Variants in SAP30BP observed in about 807,000 individuals in gnomAD.
SAP30BP encodes the protein SAP30 binding protein.
In SAP30BP, 31 loss-of-function variants were observed where a neutral mutation model predicts 46.3. The observed-to-expected ratio is 0.67, with a 90% confidence interval of 0.50 to 0.90. The LOEUF is 0.90. SAP30BP is among the 40% of genes least tolerant of loss of function. SAP30BP has a pLI of 0.00. For synonymous variants in SAP30BP, 169 were observed against 144.2 expected (o/e 1.17, Z -1.23); for missense variants, 312 against 391.0 (o/e 0.80, Z 1.70).
intron 3 of SAP30BP, among the ~76,000 whole-genome samples, chr17:75,675,470 CTTTTA>C (rs1011562467): frequency 7.2e-5 from 11 of 152,156 alleles, no homozygotes; most frequent in African/African-American, 2.4e-4. Flanking sequence ...TTTTTAAGAT[CTTTTA>C]ATTTTTTTCA....
At chr17:75,703,747 G>C (rs1312349724) in intron 7 of SAP30BP, 61 bp from the exon 8 acceptor site, 2 of 1,446,350 alleles carry the variant, frequency 1.4e-6, no homozygotes, top group African/African-American at 1.4e-5. Context: ...GGAAGACTTG[G>C]GCCAGGAACT....
At chr17:75,702,885 T>C (rs922517909) in intron 6 of SAP30BP, 1 of 306,976 alleles carries the variant, frequency 3.3e-6, no homozygotes, top group South Asian at 7.9e-5. Context: ...ATGGAAGGAA[T>C]TGGACTAGAC....
Position 75,678,579 on chromosome 17 carries a change from T to C in SAP30BP, c.264+6716T>C, listed in dbSNP as rs897227101. ...CGACTCAGTATGTCTGGTGTGTGTT[T>C]GTTCAGTAGCATTGGCTGAACTGAC... On this transcript the variant is annotated intron_variant, in intron 3 of 10. Coordinates refer to ENST00000584667, the MANE Select transcript of SAP30BP (RefSeq NM_013260.8). 2.6e-5 allele frequency among the ~76,000 whole-genome samples: 4 copies of C among 152,314 alleles called. No individual in the cohort carries two copies. The East Asian group carries it at 5.8e-4, about 22-fold the overall frequency.
At chr17:75,699,482 G>A (rs556139755) in intron 4 of SAP30BP, among the ~76,000 whole-genome samples, 5 of 148,736 alleles carry the variant, frequency 3.4e-5, no homozygotes, top group South Asian at 2.1e-4. Flanking sequence ...GTGAGCCACC[G>A]CACCCAGCTG....
intron 3 of SAP30BP, chr17:75,683,757 G>A (rs1568307981): frequency 6.6e-6 from 1 of 152,206 alleles, no homozygotes. Flanking sequence ...TTTTTTCTGT[G>A]AGTCCCCAGG....
intron 3 of SAP30BP, among the ~76,000 whole-genome samples, chr17:75,686,645 C>T (rs1296051335): frequency 6.6e-6 from 1 of 152,236 alleles, no homozygotes; most frequent in Non-Finnish European, 1.5e-5. Context: ...AACTTCCGCC[C>T]ATTTTTCTGA....
intron 4 of SAP30BP, among the ~76,000 whole-genome samples, chr17:75,695,944 A>G (rs912330549): frequency 4.6e-5 from 7 of 152,012 alleles, no homozygotes; most frequent in East Asian, 1.9e-4. Context: ...GGAGCTGGAG[A>G]TACTCCACCG....
chr17:75,668,236 C>T (rs1002069690), intron 1 of SAP30BP: 1 of 353,320 alleles, frequency 2.8e-6, no homozygotes, highest in African/African-American at 2.1e-5. Context: ...CTGATGGTTT[C>T]CTATAAACAC....
At chr17:75,681,869 G>A (rs1045931895) in intron 3 of SAP30BP, among the ~76,000 whole-genome samples, 1 of 152,096 alleles carries the variant, frequency 6.6e-6, no homozygotes, top group African/African-American at 2.4e-5. Context: ...GGATATTTAG[G>A]AGGGTATGTG....
intron 3 of SAP30BP, among the ~76,000 whole-genome samples, chr17:75,673,827 C>T (rs993257661): frequency 2.0e-5 from 3 of 152,206 alleles, no homozygotes; most frequent in Non-Finnish European, 4.4e-5. Context: ...GGCTCCCCTT[C>T]TCAGCCCTAC....
At chr17:75,672,375 T>C (rs1599093827) in intron 3 of SAP30BP, among the ~76,000 whole-genome samples, 1 of 152,264 alleles carries the variant, frequency 6.6e-6, no homozygotes, top group Non-Finnish European at 1.5e-5. Context: ...TTGGGCAAGC[T>C]GTACAGAATG....
intron 3 of SAP30BP, among the ~76,000 whole-genome samples, chr17:75,674,329 C>G (rs1428278600): frequency 6.6e-6 from 1 of 152,078 alleles, no homozygotes; most frequent in Non-Finnish European, 1.5e-5. Flanking sequence ...GAGTCTTGCT[C>G]TGTCGCTCAG....
chr17:75,694,324 G>A (rs981908475), intron 4 of SAP30BP, among the ~76,000 whole-genome samples: 9 of 152,152 alleles, frequency 5.9e-5, no homozygotes, highest in Admixed American at 1.3e-4. Flanking sequence ...TCTGCTGGGA[G>A]TTCTGCTACA....
chr17:75,693,151 G>A (rs1441006588), intron 3 of SAP30BP: 2 of 374,816 alleles, frequency 5.3e-6, no homozygotes, highest in African/African-American at 2.1e-5. Context: ...GTTGGCTGCA[G>A]CAGGCTTGCT....
chr17:75,680,282 G>T (rs765561064), intron 3 of SAP30BP, among the ~76,000 whole-genome samples: 3 of 152,170 alleles, frequency 2.0e-5, no homozygotes, highest in Non-Finnish European at 2.9e-5. Context: ...GGGGTTGGGG[G>T]GAATTGTTCT....
chr17:75,703,973 A>G (rs1210703562), intron 8 of SAP30BP, 114 bp downstream of exon 8: 4 of 832,698 alleles, frequency 4.8e-6, no homozygotes, highest in South Asian at 2.7e-5. Context: ...ATGTCAGGCC[A>G]TGTTCAAGGG....
At chr17:75,693,561 C>T (rs1217774056) in intron 4 of SAP30BP, 79 bp downstream of exon 4, 16 of 1,351,924 alleles carry the variant, frequency 1.2e-5, no homozygotes, top group East Asian at 9.3e-5. Context: ...CCAGGCCTGC[C>T]GCCCCACAGG....
In SAP30BP at chr17:75,707,989, C is replaced by T. The variant is rs942476202; in HGVS notation, c.*1468C>T. On this transcript the variant is annotated 3_prime_UTR_variant, in exon 11 of 11. Transcript: ENST00000584667. ...CTTCTCTGAAATCACAGTAATAAAG[C>T]GTCGTAAGATGGTTGGGAAGAACCA... 1.3e-5 allele frequency: 2 copies of T among 152,276 alleles called. No homozygotes were observed. Among genetic ancestry groups the T allele is most frequent in the Non-Finnish European group, 1.5e-5 (1 of 68,024 alleles). 9.4% of individuals were successfully genotyped at this position (152,276 alleles called of 1,614,324 possible). A position where few individuals can be genotyped will look rare whatever the true frequency, so the allele number is the denominator to read the frequency against.
In SAP30BP at chr17:75,706,063, C is replaced by T. The variant is rs750567821; in HGVS notation, c.716C>T (p.Thr239Ile). The change falls in exon 10 of 11, where the codon ACC (threonine) becomes ATC (isoleucine). Residue 239 changes from threonine to isoleucine, a missense_variant. Around this residue, in one of 2 missense-constraint regions of SAP30BP, gnomAD observed 296 missense variants for 346.6 expected, o/e 0.85. Coordinates refer to ENST00000584667, the MANE Select transcript of SAP30BP (RefSeq NM_013260.8). This position sits in a 1 kb window ranked among gnomAD's most constrained non-coding sequence, Gnocchi z 4.6. ...ACCACGACCAACGCCACGTCCACCA[C>T]CACTACCACTGCCAGCACAGCTGTT... is the stretch of plus-strand genomic sequence containing the variant. The part of the protein sequence containing the change: ...KGTTTNATST[T>I]TTTASTAVAD... 1 of 1,613,454 alleles carries T rather than the reference C, an allele frequency of 6.2e-7. No homozygotes were observed. Among genetic ancestry groups the T allele is most frequent in the Non-Finnish European group, 8.5e-7 (1 of 1,179,780 alleles).
Sources: gnomAD v4.1 joint callset for allele counts (sites outside exome capture counted in the v4.1 genomes callset) on GRCh38, gnomAD v4.1.1 for gene constraint, gnomAD v4.1.1 regional missense constraint, Gnocchi (gnomAD v3.1) non-coding constraint, MANE v1.5 for transcripts, NCBI Gene and HGNC (gene_info 2026-07-23, HGNC 2026-07-21) for gene names.